The following SCN8A variants were observed in gnomAD, a reference collection of about 807,000 sequenced individuals.
SCN8A encodes sodium channel protein type 8 subunit alpha.
In SCN8A, 30 loss-of-function variants were observed where a neutral mutation model predicts 184.1. The observed-to-expected ratio is 0.16, with a 90% confidence interval of 0.12 to 0.22. The LOEUF is 0.22. Ranked by LOEUF, SCN8A falls within the 10% of genes least tolerant of loss-of-function variation. The probability of loss-of-function intolerance (pLI) is 1.00; values close to 1 mark genes in which losing one functional copy is unlikely to be tolerated. For synonymous variants in SCN8A, 852 were observed against 907.0 expected (o/e 0.94, Z 1.09); for missense variants, 1,057 against 2,498.9 (o/e 0.42, Z 12.30).
chr12:51,620,360 T>C (rs1384300986), intron 1 of SCN8A, among the ~76,000 whole-genome samples: 1 of 152,194 alleles, frequency 6.6e-6, no homozygotes, highest in Non-Finnish European at 1.5e-5. Flanking sequence ...TTAAAATTAA[T>C]CTGAAAAAGA....
At chr12:51,762,939 A>G (rs1339854648) in intron 15 of SCN8A, among the ~76,000 whole-genome samples, 1 of 152,250 alleles carries the variant, frequency 6.6e-6, no homozygotes, top group Non-Finnish European at 1.5e-5. Context: ...GAGATGTCTA[A>G]GATGATAAGT....
intron 11 of SCN8A, chr12:51,713,210 T>C (rs562012089): frequency 5.2e-6 from 6 of 1,161,380 alleles, no homozygotes; most frequent in Middle Eastern, 2.0e-4. Flanking sequence ...TCTTCTGTAA[T>C]ACCACCAACA....
chr12:51,603,893 A>C (rs1242444987), intron 1 of SCN8A, among the ~76,000 whole-genome samples: 2 of 152,132 alleles, frequency 1.3e-5, no homozygotes, highest in African/African-American at 4.8e-5. Context: ...CATTAAAAAA[A>C]ATTGGATTGT....
intron 26 of SCN8A, among the ~76,000 whole-genome samples, chr12:51,805,738 CAACA>C (rs1938681208): frequency 1.3e-5 from 2 of 152,228 alleles, no homozygotes; most frequent in African/African-American, 4.8e-5. Context: ...AAACAAAAAA[CAACA>C]ACATCAAAAG....
Position 51,762,676 on chromosome 12 carries a change from G to T in SCN8A, c.2544G>T (p.Leu848Phe). The T allele has an allele frequency of 1.3e-6, 2 of 1,569,346 alleles. No homozygotes were observed. Among genetic ancestry groups the T allele is most frequent in the East Asian group, 2.4e-5 (1 of 42,416 alleles). The change falls in exon 15 of 27, where the codon TTG becomes TTT. Residue 848 changes from leucine to phenylalanine, a missense_variant and splice_region_variant. Transcript: ENST00000627620. Reference sequence around the variant, plus strand: ...TTTCAGTGCTGCGATCTTTCCGATTGGTATTCCATATTTCTCCAATTTCTT... The same window carrying T: ...TTTCAGTGCTGCGATCTTTCCGATTTGTATTCCATATTTCTCCAATTTCTT... The part of the protein sequence containing the change: ...EGLSVLRSFR[L>F]LRVFKLAKSW...
In SCN8A at chr12:51,767,531, G is replaced by C. The variant is rs1024715882; in HGVS notation, c.2902-1334G>C. The stretch of plus-strand genomic sequence containing the variant: ...TCTTTCTTCATAGTATCTAAGATCT[G>C]CCCCTTCCTTTGCATTTCTATAATT... On this transcript the variant is annotated intron_variant, in intron 16 of 26. Transcript: ENST00000627620. 3.2e-4 allele frequency among the ~76,000 whole-genome samples: 48 copies of C among 151,940 alleles called. 1 individual carries two copies. Among genetic ancestry groups the C allele is most frequent in the Middle Eastern group, 3.4e-3 (1 of 294 alleles).
intron 9 of SCN8A, 82 bp from the exon 10 acceptor site, chr12:51,705,335 A>G (rs1003728980): frequency 9.2e-6 from 12 of 1,303,860 alleles, no homozygotes; most frequent in East Asian, 2.3e-5. Flanking sequence ...TAGTGCCCTT[A>G]CAGAGGAACT....
At chr12:51,609,938 G>A (rs922262780) in intron 1 of SCN8A, among the ~76,000 whole-genome samples, 9 of 151,568 alleles carry the variant, frequency 5.9e-5, no homozygotes, top group African/African-American at 1.9e-4. Context: ...AAACCTGCAC[G>A]TTGTGCACAT....
intron 1 of SCN8A, among the ~76,000 whole-genome samples, chr12:51,626,890 G>A (rs892461021): frequency 2.0e-5 from 3 of 151,482 alleles, no homozygotes; most frequent in Admixed American, 2.0e-4. Context: ...CTTGGATTAT[G>A]GATTTGAGTT....
chr12:51,646,212 G>A (rs562131246), intron 1 of SCN8A, among the ~76,000 whole-genome samples: 8 of 152,232 alleles, frequency 5.3e-5, no homozygotes, highest in Admixed American at 1.3e-4. Context: ...AATGAAACTG[G>A]AGGCAGTGAG....
chr12:51,626,180 G>T (rs1940074239), intron 1 of SCN8A, among the ~76,000 whole-genome samples: 2 of 152,256 alleles, frequency 1.3e-5, no homozygotes, highest in African/African-American at 2.4e-5. Context: ...ATTCCAGTGG[G>T]CTTTAGGGCT....
At chr12:51,718,363 G>T (rs1592402617) in intron 11 of SCN8A, among the ~76,000 whole-genome samples, 1 of 151,736 alleles carries the variant, frequency 6.6e-6, no homozygotes, top group Admixed American at 6.6e-5. Context: ...GCACATGCCT[G>T]TAGTCCTAGC....
At chr12:51,728,956 C>T (rs1942198013) in intron 12 of SCN8A, among the ~76,000 whole-genome samples, 1 of 152,120 alleles carries the variant, frequency 6.6e-6, no homozygotes, top group Admixed American at 6.6e-5. Flanking sequence ...TCCCTTTTCT[C>T]ACCTGTAAAT....
At chr12:51,596,452 G>A (rs1360731319) in intron 1 of SCN8A, among the ~76,000 whole-genome samples, 1 of 152,268 alleles carries the variant, frequency 6.6e-6, no homozygotes, top group African/African-American at 2.4e-5. Context: ...TAGGTTGGTC[G>A]ACTCATGTTT....
intron 10 of SCN8A, among the ~76,000 whole-genome samples, chr12:51,706,093 A>G (rs1828369807): frequency 6.6e-6 from 1 of 152,250 alleles, no homozygotes; most frequent in African/African-American, 2.4e-5. Context: ...ACATGTATTT[A>G]TACATTTTTA....
intron 11 of SCN8A, among the ~76,000 whole-genome samples, chr12:51,707,114 G>C (rs1358755350): frequency 6.6e-6 from 1 of 151,828 alleles, no homozygotes; most frequent in African/African-American, 2.4e-5. Context: ...CCATTTATTT[G>C]TTGATGGGCA....
chr12:51,760,734 C>T (rs1942750524), intron 14 of SCN8A, among the ~76,000 whole-genome samples: 2 of 152,056 alleles, frequency 1.3e-5, no homozygotes, highest in Non-Finnish European at 2.9e-5. Flanking sequence ...GTATTATGAA[C>T]TTTGATTTTA....
At chr12:51,663,401 G>GC (rs1940963988) in intron 2 of SCN8A, among the ~76,000 whole-genome samples, 1 of 152,038 alleles carries the variant, frequency 6.6e-6, no homozygotes, top group African/African-American at 2.4e-5. Context: ...AGATAGTACA[G>GC]CCTCCCTCTC....
rs1049826286 is a variant in SCN8A, at chr12:51,621,182, AG to A, written c.-55+29825del. Among the ~76,000 whole-genome samples the A allele has an allele frequency of 2.0e-5, 3 of 152,238 alleles. 1 individual carries two copies. The highest frequency in any genetic ancestry group is 4.4e-5 in the Non-Finnish European group (3 of 68,038). On this transcript the variant is annotated intron_variant, in intron 1 of 26. Coordinates refer to ENST00000627620, the MANE Select transcript of SCN8A (RefSeq NM_001330260.2). ...ACTGTCAAGAAATTTTTTATTACTT[AG>A]GTGCTATATCGTTTGCTTTTTAACT...
Sources: gnomAD v4.1 joint callset for allele counts (sites outside exome capture counted in the v4.1 genomes callset) on GRCh38, gnomAD v4.1.1 for gene constraint, MANE v1.5 for transcripts, NCBI Gene and HGNC (gene_info 2026-07-23, HGNC 2026-07-21) for gene names.